Variants in PFKFB3 observed in about 807,000 individuals in gnomAD.
PFKFB3 encodes the protein 6-phosphofructo-2-kinase/fructose-2,6-biphosphatase 3.
A neutral mutation model predicts 68.0 loss-of-function variants in PFKFB3; 33 were observed. The ratio of observed to expected loss-of-function variants is 0.49; its 90% CI spans 0.37 to 0.65. PFKFB3 has a LOEUF of 0.65. Among genes scored for constraint, PFKFB3 ranks in the 30% least tolerant of loss-of-function variants. PFKFB3 has a pLI of 0.00. For missense variants in PFKFB3, 586 were observed against 712.2 expected (o/e 0.82, Z 2.02); for synonymous variants, 315 against 288.2 (o/e 1.09, Z -0.94).
chr10:6,307,363 A>G, the PFKFB3 span, among the ~76,000 whole-genome samples: 1 of 136,724 alleles, frequency 7.3e-6, no homozygotes, highest in Non-Finnish European at 1.6e-5. Context: ...ACACACACAC[A>G]CACACTCACC....
chr10:6,176,349 T>G (rs1275965135), intron 1 of PFKFB3, among the ~76,000 whole-genome samples: 1 of 152,188 alleles, frequency 6.6e-6, no homozygotes, highest in African/African-American at 2.4e-5. Context: ...TGCATAGGCA[T>G]GCTTTCCTGT....
At chr10:6,204,095 C>T (rs1385526214) in intron 1 of PFKFB3, among the ~76,000 whole-genome samples, 3 of 152,194 alleles carry the variant, frequency 2.0e-5, no homozygotes, top group African/African-American at 7.2e-5. Flanking sequence ...TCGGAATTGG[C>T]TGGCAGTACC....
the PFKFB3 span, among the ~76,000 whole-genome samples, chr10:6,319,027 A>T: frequency 1.1e-4 from 16 of 152,130 alleles, no homozygotes; most frequent in Non-Finnish European, 2.4e-4. Context: ...TGGACCCTTG[A>T]TCAATATTCT....
intron 1 of PFKFB3, among the ~76,000 whole-genome samples, chr10:6,211,252 A>G (rs1317793060): frequency 6.6e-6 from 1 of 152,226 alleles, no homozygotes; most frequent in African/African-American, 2.4e-5. Flanking sequence ...CTACTGCCAG[A>G]GGACATTTGT....
At chr10:6,305,347 ATTT>A in the PFKFB3 span, among the ~76,000 whole-genome samples, 1 of 75,712 alleles carries the variant, frequency 1.3e-5, no homozygotes. Context: ...AATATTAGGA[ATTT>A]TTTTTTTTTT....
chr10:6,222,533 C>G (rs567406763), intron 10 of PFKFB3, among the ~76,000 whole-genome samples: 1 of 152,332 alleles, frequency 6.6e-6, no homozygotes, highest in South Asian at 2.1e-4. Flanking sequence ...GGCACCGGCC[C>G]GTCTGCTTCC....
At chr10:6,268,091 T>G in the PFKFB3 span, among the ~76,000 whole-genome samples, 3 of 152,052 alleles carry the variant, frequency 2.0e-5, no homozygotes, top group South Asian at 6.2e-4. Context: ...TTTCAAGGAT[T>G]TTCCTGTCTC....
chr10:6,182,545 C>T (rs562223567), intron 1 of PFKFB3, among the ~76,000 whole-genome samples: 8 of 152,344 alleles, frequency 5.3e-5, no homozygotes, highest in Non-Finnish European at 7.3e-5. Context: ...CAGGTCTCCA[C>T]GCCAGCACTG....
chr10:6,263,575 T>C, the PFKFB3 span, among the ~76,000 whole-genome samples: 1 of 152,194 alleles, frequency 6.6e-6, no homozygotes, highest in African/African-American at 2.4e-5. Context: ...CTATTGCAAA[T>C]TCTAGCAGGA....
intron 14 of PFKFB3, among the ~76,000 whole-genome samples, chr10:6,246,431 C>T (rs1023088798): frequency 4.6e-5 from 7 of 151,438 alleles, no homozygotes; most frequent in South Asian, 4.2e-4. Flanking sequence ...TTCCACCTCC[C>T]GGGTTCAAGC....
intron 14 of PFKFB3, among the ~76,000 whole-genome samples, chr10:6,230,705 C>T (rs1160645905): frequency 2.0e-5 from 3 of 151,832 alleles, no homozygotes; most frequent in Non-Finnish European, 2.9e-5. Flanking sequence ...GGTCTCAAGG[C>T]CATGGCCTGA....
At chr10:6,204,172 C>T (rs1170574633) in intron 1 of PFKFB3, among the ~76,000 whole-genome samples, 2 of 152,394 alleles carry the variant, frequency 1.3e-5, no homozygotes, top group East Asian at 3.9e-4. Flanking sequence ...ACCTCGAGCT[C>T]CACCTCAGCT....
In PFKFB3 at chr10:6,214,953, A is replaced by G. The variant is rs146459663; in HGVS notation, c.203-268A>G. Among the ~76,000 whole-genome samples the G allele has an allele frequency of 2.6e-3, 402 of 152,302 alleles. 1 individual carries two copies. Among genetic ancestry groups the G allele is most frequent in the Non-Finnish European group, 4.8e-3 (324 of 68,022 alleles). Reference sequence around the variant, plus strand: ...TGGTTTAGGATATTGTGGGACTGAGATTGTAGACTTGGCTGGAGGGGACAG... The same window carrying G: ...TGGTTTAGGATATTGTGGGACTGAGGTTGTAGACTTGGCTGGAGGGGACAG... On this transcript the variant is annotated intron_variant, in intron 2 of 14. Transcript: ENST00000379775.
chr10:6,223,030 T>A (rs200932645), intron 11 of PFKFB3, 46 bp downstream of exon 11: 1 of 1,585,922 alleles, frequency 6.3e-7, no homozygotes, highest in East Asian at 2.3e-5. Context: ...AGGAGGGGAC[T>A]GGCACTCGGC....
At chr10:6,210,082 T>C (rs1241102283) in intron 1 of PFKFB3, among the ~76,000 whole-genome samples, 1 of 117,170 alleles carries the variant, frequency 8.5e-6, no homozygotes, top group Non-Finnish European at 2.1e-5. Context: ...CACTGTGCCT[T>C]GCCAGGGAGG....
Position 6,215,332 on chromosome 10 carries a change from C to CG in PFKFB3, c.299+18dup, listed in dbSNP as rs1844497526. The CG allele has an allele frequency of 6.3e-7, 1 of 1,599,384 alleles. No individual in the cohort carries two copies. The highest frequency in any genetic ancestry group is 1.3e-5 in the African/African-American group (1 of 74,426). On this transcript the variant is annotated intron_variant, in intron 3 of 14. Coordinates refer to ENST00000379775, the MANE Select transcript of PFKFB3 (RefSeq NM_004566.4). This position sits in a 1 kb window ranked among gnomAD's most constrained non-coding sequence, Gnocchi z 4.3. ...AAAGTCCGGAAGTAAGGCTGGGCCG[C>CG]GGGCGTAGGGCTGGGCTGTGGGAAT...
rs142238658 is a variant in PFKFB3 at position 6,175,266 on chromosome 10, CT to C, written c.16+30254del. ...TGACCAGAAAATTGTGAGATTGCAT[CT>C]CTCAGTCTTGCTCCGTCCCCTCTCT... On this transcript the variant is annotated intron_variant, in intron 1 of 14. Coordinates refer to the PFKFB3 transcript ENST00000379789. 8.5e-3 allele frequency among the ~76,000 whole-genome samples: 1,302 copies of C among 152,336 alleles called. 30 individuals carry two copies. Among genetic ancestry groups the C allele is most frequent in the African/African-American group, 0.03 (1,235 of 41,580 alleles).
At chr10:6,251,892 C>T (rs1023159689) in intron 14 of PFKFB3, among the ~76,000 whole-genome samples, 2 of 152,092 alleles carry the variant, frequency 1.3e-5, no homozygotes, top group East Asian at 1.9e-4. Context: ...CACTTGAACC[C>T]GGAAGGTGGA....
intron 1 of PFKFB3, among the ~76,000 whole-genome samples, chr10:6,193,373 A>G (rs1843084087): frequency 6.6e-6 from 1 of 152,246 alleles, no homozygotes; most frequent in African/African-American, 2.4e-5. Context: ...AAAACAAAAC[A>G]AAACAAAAAA....
Sources: gnomAD v4.1 joint callset for allele counts (sites outside exome capture counted in the v4.1 genomes callset) on GRCh38, gnomAD v4.1.1 for gene constraint, Gnocchi (gnomAD v3.1) non-coding constraint, MANE v1.5 for transcripts, NCBI Gene and HGNC (gene_info 2026-07-23, HGNC 2026-07-21) for gene names.